The following PRPF19 variants were observed in gnomAD, a reference collection of about 807,000 sequenced individuals.
The protein encoded by PRPF19 is pre-mRNA processing factor 19.
PRPF19 carries 2 observed loss-of-function variants against 64.2 expected under a neutral mutation model. That is an observed-to-expected ratio of 0.03 (90% CI 0.01 to 0.10). PRPF19 has a LOEUF of 0.10. Ranked by LOEUF, PRPF19 falls within the 10% of genes least tolerant of loss-of-function variation. The probability of loss-of-function intolerance (pLI) is 1.00; values close to 1 mark genes in which losing one functional copy is unlikely to be tolerated. For missense variants in PRPF19, 314 were observed against 650.0 expected, an observed-to-expected ratio of 0.48 and a Z score of 5.62; for synonymous variants, 226 against 251.6, an observed-to-expected ratio of 0.90 and a Z score of 0.96.
chr11:60,904,902 A>G (rs780747658), intron 1 of PRPF19, among the ~76,000 whole-genome samples: 49 of 152,236 alleles, frequency 3.2e-4, no homozygotes, highest in South Asian at 1.0e-3. Context: ...GAAAATCCCA[A>G]CCTTCTAATA....
chr11:60,893,873 C>T (rs1312808061), intron 15 of PRPF19, among the ~76,000 whole-genome samples: 1 of 152,060 alleles, frequency 6.6e-6, no homozygotes, highest in Non-Finnish European at 1.5e-5. Context: ...GAGCCAAGAT[C>T]GTGCCACTGC....
chr11:60,904,054 G>T (rs1454690073), intron 1 of PRPF19, among the ~76,000 whole-genome samples, 193 bp from the exon 2 acceptor site: 2 of 152,122 alleles, frequency 1.3e-5, no homozygotes, highest in African/African-American at 4.8e-5. Context: ...TTTTCCTTTA[G>T]TCTCCTGACT....
chr11:60,894,031 C>T (rs1461507769), intron 15 of PRPF19, among the ~76,000 whole-genome samples: 1 of 152,238 alleles, frequency 6.6e-6, no homozygotes, highest in Non-Finnish European at 1.5e-5. Flanking sequence ...CTAAAACATG[C>T]TAACAACCAT....
rs1855999681 is a variant in PRPF19 at position 60,902,932 on chromosome 11, C to T, written c.247-51G>A. On this transcript the variant is annotated intron_variant, in intron 3 of 15. Coordinates refer to ENST00000227524, the MANE Select transcript of PRPF19 (RefSeq NM_014502.5). This position sits in a 1 kb window ranked among gnomAD's most constrained non-coding sequence, Gnocchi z 5.0. ...GGTGAGGTGGGGGGTGCAGGGAGTA[C>T]CCAGTGGAGTCAGCCCTTGGGGAGG... is the stretch of plus-strand genomic sequence containing the variant. 1 of 1,592,572 alleles carries T rather than the reference C, an allele frequency of 6.3e-7. No individual in the cohort carries two copies. The highest frequency in any genetic ancestry group is 1.3e-5 in the African/African-American group (1 of 74,802).
rs1451367735 is a variant in PRPF19, at chr11:60,906,538, G to T, written c.-156C>A. On this transcript the variant is annotated 5_prime_UTR_variant, in exon 1 of 16. Coordinates refer to ENST00000227524, the MANE Select transcript of PRPF19 (RefSeq NM_014502.5). Reference sequence around the variant, plus strand: ...CGATGCTAGCGTAGCGCTTCACGTGGGAATGGGGACAGCCGCGCGCCACAG... The same window carrying T: ...CGATGCTAGCGTAGCGCTTCACGTGTGAATGGGGACAGCCGCGCGCCACAG... 4.0e-6 allele frequency: 3 copies of T among 759,152 alleles called. No individual in the cohort carries two copies. Among genetic ancestry groups the T allele is most frequent in the Non-Finnish European group, 6.2e-6 (3 of 484,446 alleles). 47.0% of individuals were successfully genotyped at this position (759,152 alleles called of 1,614,324 possible). A position where few individuals can be genotyped will look rare whatever the true frequency, so the allele number is the denominator to read the frequency against.
Position 60,890,957 on chromosome 11 carries a change from T to C in PRPF19, c.*209A>G. ...GAGGGTGACAGTTCTTCCTTCCACATCCGTTCCCATGGGGCCTGGAGTTGC... is the reference window on the plus strand; with the variant it reads ...GAGGGTGACAGTTCTTCCTTCCACACCCGTTCCCATGGGGCCTGGAGTTGC... On this transcript the variant is annotated 3_prime_UTR_variant, in exon 16 of 16. Transcript: ENST00000227524. The C allele has an allele frequency of 1.6e-6, 1 of 612,236 alleles. No individual in the cohort carries two copies. The highest frequency in any genetic ancestry group is 1.7e-5 in the South Asian group (1 of 58,586). The allele number at this position is 612,236 out of a possible 1,614,324, so 37.9% of individuals were successfully genotyped here.
At chr11:60,891,746 T>C (rs1565108656) in intron 15 of PRPF19, among the ~76,000 whole-genome samples, 2 of 152,150 alleles carry the variant, frequency 1.3e-5, no homozygotes, top group Admixed American at 1.3e-4. Context: ...TCTGGCCAAA[T>C]TCCTTCTAGA....
rs1855845432 is a variant in PRPF19, at chr11:60,890,680, C to G, written c.*486G>C. The G allele has an allele frequency of 4.4e-6, 2 of 453,036 alleles. No homozygotes were observed. The highest frequency in any genetic ancestry group is 4.0e-5 in the African/African-American group (2 of 49,976). 28.1% of individuals were successfully genotyped at this position (453,036 alleles called of 1,614,324 possible). Reference sequence around the variant, plus strand: ...GTGTGTGCTCCCTCCCCTTGACCTTCCCAGTCCCAGGTGCTCCTGGTGCAG... The same window carrying G: ...GTGTGTGCTCCCTCCCCTTGACCTTGCCAGTCCCAGGTGCTCCTGGTGCAG... On this transcript the variant is annotated 3_prime_UTR_variant, in exon 16 of 16. Coordinates refer to ENST00000227524, the MANE Select transcript of PRPF19 (RefSeq NM_014502.5).
chr11:60,896,258 G>C (rs1855919665), intron 15 of PRPF19, among the ~76,000 whole-genome samples: 1 of 152,190 alleles, frequency 6.6e-6, no homozygotes, highest in African/African-American at 2.4e-5. Flanking sequence ...GCACCAAGCA[G>C]GCCCTTTCAG....
chr11:60,897,007 T>A (rs1368706086), intron 15 of PRPF19, among the ~76,000 whole-genome samples: 2 of 152,226 alleles, frequency 1.3e-5, no homozygotes, highest in Non-Finnish European at 2.9e-5. Flanking sequence ...AAGTTTTTTA[T>A]GAATTTAGTA....
intron 15 of PRPF19, among the ~76,000 whole-genome samples, chr11:60,895,277 G>A (rs1027299283): frequency 2.6e-5 from 4 of 152,226 alleles, no homozygotes; most frequent in South Asian, 4.1e-4. Context: ...TAGGTCTTCC[G>A]GATAACTTGC....
intron 1 of PRPF19, among the ~76,000 whole-genome samples, chr11:60,904,196 C>T (rs1215586897): frequency 6.6e-6 from 1 of 152,188 alleles, no homozygotes; most frequent in African/African-American, 2.4e-5. Flanking sequence ...ATTGTGTACT[C>T]TATGAATACA....
intron 1 of PRPF19, among the ~76,000 whole-genome samples, chr11:60,905,973 G>A (rs540300): frequency 0.21 from 31,202 of 152,176 alleles, 4,225 homozygotes; most frequent in Middle Eastern, 0.35. Flanking sequence ...TTTGCAGATG[G>A]GGAAACCGAG....
intron 15 of PRPF19, among the ~76,000 whole-genome samples, chr11:60,896,580 T>C (rs1818077066): frequency 6.6e-6 from 1 of 152,248 alleles, no homozygotes; most frequent in African/African-American, 2.4e-5. Flanking sequence ...TGCTCAGCAT[T>C]TGTCTCTCCT....
chr11:60,896,194 T>C (rs1260051131), intron 15 of PRPF19, among the ~76,000 whole-genome samples: 2 of 152,206 alleles, frequency 1.3e-5, no homozygotes, highest in Non-Finnish European at 2.9e-5. Flanking sequence ...ACTATACTTT[T>C]TTTGGTATTA....
intron 15 of PRPF19, chr11:60,897,600 G>T: frequency 2.6e-6 from 1 of 387,108 alleles, no homozygotes; most frequent in Non-Finnish European, 4.6e-6. Flanking sequence ...AACTTCAGAG[G>T]GACTTTTCTC....
intron 1 of PRPF19, 73 bp from the exon 2 acceptor site, chr11:60,903,934 T>G: frequency 6.4e-7 from 1 of 1,550,870 alleles, no homozygotes; most frequent in Non-Finnish European, 8.7e-7. Context: ...CATCTGCTAT[T>G]AGCCCCAACA....
At position 60,890,842 on chromosome 11, in the gene PRPF19, A is replaced by T; in HGVS notation, c.*324T>A. 1 of 503,180 alleles carries T rather than the reference A, an allele frequency of 2.0e-6. No homozygotes were observed. Among genetic ancestry groups the T allele is most frequent in the Non-Finnish European group, 3.9e-6 (1 of 257,872 alleles). The allele number at this position is 503,180 out of a possible 1,614,324, so 31.2% of individuals were successfully genotyped here. On this transcript the variant is annotated 3_prime_UTR_variant, in exon 16 of 16. Coordinates refer to ENST00000227524, the MANE Select transcript of PRPF19 (RefSeq NM_014502.5). ...GGCTCAGCCTCTCCTGTCTCACAGG[A>T]ACTGCAACAAAATGGGTGTGGAACA...
chr11:60,902,281 G>A lies in PRPF19; in HGVS notation c.525+122C>T. 9.1e-7 allele frequency: 1 copy of A among 1,093,162 alleles called. No homozygotes were observed. The highest frequency in any genetic ancestry group is 1.5e-5 in the South Asian group (1 of 68,462). The allele number at this position is 1,093,162 out of a possible 1,614,324, so 67.7% of individuals were successfully genotyped here. A position where few individuals can be genotyped will look rare whatever the true frequency, so the allele number is the denominator to read the frequency against. ...TACAAACCCAGGCAATCTGGTCCCA[G>A]GGTCCATGCTCTGCACCACTCAACT... On this transcript the variant is annotated intron_variant, in intron 6 of 15. Coordinates refer to ENST00000227524, the MANE Select transcript of PRPF19 (RefSeq NM_014502.5). This position sits in a 1 kb window ranked among gnomAD's most constrained non-coding sequence, Gnocchi z 5.0.
Sources: allele counts gnomAD v4.1 joint callset (sites outside exome capture counted in the v4.1 genomes callset), GRCh38; gene constraint gnomAD v4.1.1; non-coding constraint Gnocchi (gnomAD v3.1); transcripts MANE v1.5; gene names NCBI Gene and HGNC (gene_info 2026-07-23, HGNC 2026-07-21).